The following AGPS variants were observed in gnomAD, a reference collection of about 807,000 sequenced individuals.
AGPS encodes alkylglycerone phosphate synthase.
AGPS carries 26 observed loss-of-function variants against 90.7 expected under a neutral mutation model. The ratio of observed to expected loss-of-function variants is 0.29; its 90% confidence interval spans 0.21 to 0.40. The LOEUF is 0.40. Among genes scored for constraint, AGPS ranks in the 10% least tolerant of loss-of-function variants. The probability of loss-of-function intolerance (pLI) is 1.00; values close to 1 mark genes in which losing one functional copy is unlikely to be tolerated. For missense variants in AGPS, 540 were observed against 816.1 expected (o/e 0.66, Z 4.12); for synonymous variants, 294 against 285.3 (o/e 1.03, Z -0.31).
At position 177,434,375 on chromosome 2, in the gene AGPS, A is replaced by G. The variant is rs1298188753; in HGVS notation, c.399A>G (p.Gln133=). The change falls in exon 3 of 20, where the codon CAA becomes CAG. Residue 133 remains glutamine (Q), a synonymous_variant. Coordinates refer to ENST00000264167, the MANE Select transcript of AGPS (RefSeq NM_003659.4). ...MGLPTFKEWI[Q]NTLGVNVEHK... is the part of the protein sequence containing the mutation. ...TACCAACATTTAAAGAATGGATCCA[A>G]AATACCCTTGGAGTAAATGTGGAGC... 3.1e-6 allele frequency: 5 copies of G among 1,613,250 alleles called. No homozygotes were observed. Among genetic ancestry groups the G allele is most frequent in the Non-Finnish European group, 3.4e-6 (4 of 1,179,514 alleles).
intron 1 of AGPS, among the ~76,000 whole-genome samples, chr2:177,416,466 A>AT (rs1275808764): frequency 6.6e-6 from 1 of 151,894 alleles, no homozygotes; most frequent in African/African-American, 2.4e-5. Context: ...TAAAACATTT[A>AT]TTTTTTTATG....
chr2:177,412,674 G>C (rs1685653461), intron 1 of AGPS, among the ~76,000 whole-genome samples: 1 of 152,110 alleles, frequency 6.6e-6, no homozygotes, highest in Non-Finnish European at 1.5e-5. Context: ...CTTGCTCCTA[G>C]AGCTCCCAAG....
intron 19 of AGPS, among the ~76,000 whole-genome samples, chr2:177,530,508 C>T (rs1483841768): frequency 6.6e-6 from 1 of 152,178 alleles, no homozygotes; most frequent in Non-Finnish European, 1.5e-5. Context: ...GAACTTAAAA[C>T]TCAAGTTGAA....
intron 2 of AGPS, among the ~76,000 whole-genome samples, chr2:177,430,268 G>T (rs1184437110): frequency 1.3e-5 from 2 of 152,202 alleles, no homozygotes; most frequent in Non-Finnish European, 2.9e-5. Context: ...CCAAGCCAGT[G>T]GGTCTTAACT....
At chr2:177,395,139 A>G (rs1363513986) in intron 1 of AGPS, among the ~76,000 whole-genome samples, 1 of 152,218 alleles carries the variant, frequency 6.6e-6, no homozygotes, top group East Asian at 1.9e-4. Flanking sequence ...ATTTGTATGC[A>G]TATATGTGAT....
chr2:177,435,292 T>G (rs1686371400), intron 3 of AGPS, among the ~76,000 whole-genome samples: 1 of 151,904 alleles, frequency 6.6e-6, no homozygotes, highest in Non-Finnish European at 1.5e-5. Context: ...CACAGTTATT[T>G]TACTCTAGTT....
At position 177,540,642 on chromosome 2, in the gene AGPS, T is replaced by A. The variant is rs1477287565; in HGVS notation, c.*2447T>A. 6.6e-6 allele frequency: 1 copy of A among 152,210 alleles called. No individual in the cohort carries two copies. The highest frequency in any genetic ancestry group is 1.9e-4 in the East Asian group (1 of 5,188). The allele number at this position is 152,210 out of a possible 1,614,324, so 9.4% of individuals were successfully genotyped here. On this transcript the variant is annotated 3_prime_UTR_variant, in exon 20 of 20. Coordinates refer to ENST00000264167, the MANE Select transcript of AGPS (RefSeq NM_003659.4). ...TTAAGTCAGGAGAACACTGTTTACA[T>A]GACACTTCTTAACTCATTTTTAATG...
At chr2:177,487,956 A>G (rs2166556) in intron 11 of AGPS, among the ~76,000 whole-genome samples, 131,926 of 152,110 alleles carry the variant, frequency 0.87, 57,430 homozygotes, top group East Asian at 0.98. Context: ...GTATTATTTT[A>G]TTCTTTAAAA....
At chr2:177,484,468 C>T (rs1166096177) in intron 11 of AGPS, among the ~76,000 whole-genome samples, 4 of 151,896 alleles carry the variant, frequency 2.6e-5, no homozygotes, top group South Asian at 2.1e-4. Flanking sequence ...CTCAGCCTCC[C>T]GAGTAGCTGG....
At chr2:177,512,772 G>A (rs1688912150) in intron 16 of AGPS, among the ~76,000 whole-genome samples, 1 of 152,216 alleles carries the variant, frequency 6.6e-6, no homozygotes, top group African/African-American at 2.4e-5. Flanking sequence ...TACATCGTTT[G>A]TCTTCAGTAG....
At chr2:177,500,778 A>G (rs1403527056) in intron 14 of AGPS, among the ~76,000 whole-genome samples, 1 of 152,104 alleles carries the variant, frequency 6.6e-6, no homozygotes, top group East Asian at 1.9e-4. Context: ...TTCATCTTTC[A>G]TCTTTTCTCG....
chr2:177,535,085 GA>G (rs1160989733), intron 19 of AGPS, among the ~76,000 whole-genome samples: 1 of 152,122 alleles, frequency 6.6e-6, no homozygotes, highest in Non-Finnish European at 1.5e-5. Flanking sequence ...TCTCAGGCTA[GA>G]TTTATACTTC....
At position 177,500,962 on chromosome 2, in the gene AGPS, G is replaced by A. The variant is rs147321803; in HGVS notation, c.1475+1232G>A. ...GGAATTTAGCCCTATGTATGTACCC[G>A]TTTTTTAGTTTCTAAGTTATAGGGA... On this transcript the variant is annotated intron_variant, in intron 14 of 19. Transcript: ENST00000264167. Among the ~76,000 whole-genome samples, 85 of 152,058 alleles carry A rather than the reference G, an allele frequency of 5.6e-4. 1 individual carries two copies. Among genetic ancestry groups the A allele is most frequent in the African/African-American group, 2.0e-3 (81 of 41,486 alleles).
At chr2:177,507,528 C>T (rs1437828545) in intron 15 of AGPS, among the ~76,000 whole-genome samples, 1 of 152,110 alleles carries the variant, frequency 6.6e-6, no homozygotes, top group Non-Finnish European at 1.5e-5. Context: ...AGAAAAAAAT[C>T]TCCTCATTCT....
chr2:177,422,501 G>A (rs1204105941), intron 2 of AGPS, among the ~76,000 whole-genome samples: 1 of 152,152 alleles, frequency 6.6e-6, no homozygotes, highest in Non-Finnish European at 1.5e-5. Flanking sequence ...CAGTGGGGGA[G>A]AGGGAGAATA....
intron 8 of AGPS, among the ~76,000 whole-genome samples, chr2:177,449,665 G>A (rs1012803827): frequency 1.3e-5 from 2 of 152,120 alleles, no homozygotes; most frequent in African/African-American, 4.8e-5. Flanking sequence ...GGGCTCAAGT[G>A]TTCTGCCCAC....
chr2:177,418,982 C>T (rs1163376588), intron 1 of AGPS, among the ~76,000 whole-genome samples: 2 of 151,892 alleles, frequency 1.3e-5, no homozygotes, highest in Non-Finnish European at 2.9e-5. Flanking sequence ...AATCCAGTCT[C>T]TGGATTGATA....
chr2:177,419,682 A>T (rs1368595634), intron 1 of AGPS, among the ~76,000 whole-genome samples: 2 of 151,896 alleles, frequency 1.3e-5, no homozygotes, highest in Non-Finnish European at 3.0e-5. Flanking sequence ...TGAAATATTG[A>T]AAGTGAGTAT....
rs2105609374 is a variant in AGPS at position 177,420,404 on chromosome 2, T to C, written c.350+46T>C. 2.1e-6 allele frequency: 3 copies of C among 1,410,462 alleles called. No homozygotes were observed. The South Asian group carries it at 3.5e-5, about 16-fold the overall frequency. The allele number at this position is 1,410,462 out of a possible 1,614,324, so 87.4% of individuals were successfully genotyped here. A position where few individuals can be genotyped will look rare whatever the true frequency, so the allele number is the denominator to read the frequency against. On this transcript the variant is annotated intron_variant, in intron 2 of 19. Transcript: ENST00000264167. ...CTTTTGTTCCTCCTTTAATTCTTTC[T>C]TTCTATGAAAAATTTTAAACACACA...
Sources: allele counts gnomAD v4.1 joint callset (sites outside exome capture counted in the v4.1 genomes callset), GRCh38; gene constraint gnomAD v4.1.1; transcripts MANE v1.5; gene names NCBI Gene and HGNC (gene_info 2026-07-23, HGNC 2026-07-21).